Variants in PHOX2A observed in about 807,000 individuals in gnomAD.
The protein encoded by PHOX2A is paired mesoderm homeobox protein 2A.
In PHOX2A, 10 loss-of-function variants were observed where a neutral mutation model predicts 16.4. The ratio of observed to expected loss-of-function variants is 0.61; its 90% CI spans 0.38 to 1.04. The LOEUF is 1.04. Among genes scored for constraint, PHOX2A ranks in the 50% least tolerant of loss-of-function variants. The pLI is 0.01. For synonymous variants in PHOX2A, 219 were observed against 203.8 expected (o/e 1.07, Z -0.64); for missense variants, 361 against 419.4 (o/e 0.86, Z 1.22).
Position 72,241,197 on chromosome 11 carries a change from C to G in PHOX2A, c.310G>C (p.Glu104Gln). ...RTTFTSAQLKELERVFAETHY... is the reference protein window; with the variant it reads ...RTTFTSAQLKQLERVFAETHY... The stretch of plus-strand genomic sequence containing the variant: ...GTCTCAGCGAAAACGCGCTCCAGCT[C>G]CTTGAGCTGCGCGCTGGTGAACGTG... Residue 104 changes from glutamate (E) to glutamine (Q), a missense_variant, in exon 2 of 3, where the codon GAG (glutamate) becomes CAG (glutamine). Glu to Gln is a conservative substitution (Grantham distance 29). This residue lies in a region of PHOX2A where 235 missense variants were observed against 263.8 expected (regional missense o/e 0.89). Coordinates refer to ENST00000298231, the MANE Select transcript of PHOX2A (RefSeq NM_005169.4). The G allele has an allele frequency of 6.2e-7, 1 of 1,613,848 alleles. No individual in the cohort carries two copies. Among genetic ancestry groups the G allele is most frequent in the Non-Finnish European group, 8.5e-7 (1 of 1,180,012 alleles).
chr11:72,243,617 G>C (rs1390059523), intron 1 of PHOX2A, among the ~76,000 whole-genome samples, 171 bp downstream of exon 1: 2 of 152,148 alleles, frequency 1.3e-5, no homozygotes, highest in Admixed American at 1.3e-4. Context: ...GAGAGGGTGA[G>C]GCTCATTCCT....
chr11:72,240,861 C>A (rs1470534180), intron 2 of PHOX2A, among the ~76,000 whole-genome samples: 1 of 152,210 alleles, frequency 6.6e-6, no homozygotes, highest in Non-Finnish European at 1.5e-5. Context: ...TCAAGCATCA[C>A]TCGGAACTTT....
Position 72,240,093 on chromosome 11 carries a change from A to G in PHOX2A, c.511T>C (p.Ser171Pro). 2 of 1,531,160 alleles carry G rather than the reference A, an allele frequency of 1.3e-6. No individual in the cohort carries two copies. Among genetic ancestry groups the G allele is most frequent in the South Asian group, 1.2e-5 (1 of 83,686 alleles). 94.8% of individuals were successfully genotyped at this position (1,531,160 alleles called of 1,614,324 possible). A position where few individuals can be genotyped will look rare whatever the true frequency, so the allele number is the denominator to read the frequency against. ...AGAKKGEARC[S>P]SEDDDSKEST... ...TCCTTGGAATCGTCGTCCTCGGAGGAGCAGCGCGCCTCGCCCTTTTTGGCG... is the reference window on the plus strand; with the variant it reads ...TCCTTGGAATCGTCGTCCTCGGAGGGGCAGCGCGCCTCGCCCTTTTTGGCG... The change falls in exon 3 of 3, where the codon TCC becomes CCC. Residue 171 changes from serine (S) to proline (P), a missense_variant. Physicochemically the swap from Ser to Pro is moderately conservative, Grantham distance 74 (BLOSUM62 -1). Around this residue, in one of 3 missense-constraint regions of PHOX2A, gnomAD observed 235 missense variants for 263.8 expected, o/e 0.89. Coordinates refer to ENST00000298231, the MANE Select transcript of PHOX2A (RefSeq NM_005169.4).
At position 72,239,439 on chromosome 11, in the gene PHOX2A, G is replaced by T; in HGVS notation, c.*310C>A. The T allele has an allele frequency of 3.8e-6, 1 of 265,770 alleles. No individual in the cohort carries two copies. Among genetic ancestry groups the T allele is most frequent in the East Asian group, 6.5e-5 (1 of 15,498 alleles). 16.5% of individuals were successfully genotyped at this position (265,770 alleles called of 1,614,324 possible). ...GATCCTCCTTGAGGACCTTCACTTT[G>T]AGGGCACTGTTAGGGACAGGCCTCA... On this transcript the variant is annotated 3_prime_UTR_variant, in exon 3 of 3. Coordinates refer to ENST00000298231, the MANE Select transcript of PHOX2A (RefSeq NM_005169.4).
intron 1 of PHOX2A, 91 bp from the exon 2 acceptor site, chr11:72,241,380 A>G: frequency 1.3e-6 from 1 of 775,494 alleles, no homozygotes; most frequent in Non-Finnish European, 2.0e-6. Flanking sequence ...GCTCCGGGGG[A>G]ATCACACGCC....
Position 72,243,987 on chromosome 11 carries a change from G to C in PHOX2A, c.18C>G (p.Leu6=). Residue 6 remains leucine (L), a synonymous_variant, in exon 1 of 3, where the codon CTC becomes CTG. Transcript: ENST00000298231. MDYSY[L]NSYDSCVAAM... is the part of the protein sequence containing the mutation. ...CCGCCACGCACGAGTCGTACGAATT[G>C]AGGTAGGAGTAGTCCATCGGCCCGG... 1.5e-6 allele frequency: 2 copies of C among 1,306,482 alleles called. No homozygotes were observed. Among genetic ancestry groups the C allele is most frequent in the Non-Finnish European group, 2.0e-6 (2 of 1,020,384 alleles). The allele number at this position is 1,306,482 out of a possible 1,614,324, so 80.9% of individuals were successfully genotyped here. A position where few individuals can be genotyped will look rare whatever the true frequency, so the allele number is the denominator to read the frequency against.
In PHOX2A at chr11:72,243,968, C is replaced by T; in HGVS notation, c.37G>A (p.Val13Met). 2 of 1,307,306 alleles carry T rather than the reference C, an allele frequency of 1.5e-6. No individual in the cohort carries two copies. Among genetic ancestry groups the T allele is most frequent in the South Asian group, 3.0e-5 (1 of 33,032 alleles). The allele number at this position is 1,307,306 out of a possible 1,614,324, so 81.0% of individuals were successfully genotyped here. The change falls in exon 1 of 3, where the codon GTG becomes ATG. Residue 13 changes from valine (V) to methionine (M), a missense_variant. By Grantham distance (21) the Val-to-Met change is conservative. Transcript: ENST00000298231. ...TAGGCGGACGCCTCCATGGCCGCCA[C>T]GCACGAGTCGTACGAATTGAGGTAG... ...YSYLNSYDSC[V>M]AAMEASAYGD... is the part of the protein sequence containing the mutation.
In PHOX2A at chr11:72,243,773, C is replaced by G. The variant is rs759193926; in HGVS notation, c.217+15G>C. The G allele has an allele frequency of 6.8e-5, 83 of 1,216,152 alleles. No homozygotes were observed. The highest frequency in any genetic ancestry group is 6.3e-4 in the Middle Eastern group (2 of 3,170). 75.3% of individuals were successfully genotyped at this position (1,216,152 alleles called of 1,614,324 possible). On this transcript the variant is annotated intron_variant, in intron 1 of 2. Transcript: ENST00000298231. ...GCAGGAATTGGAGGGAGGGTTGGGC[C>G]GGGGCTGCGCTCACCTGCCGAGTAG... is the stretch of plus-strand genomic sequence containing the variant.
At chr11:72,242,720 A>G (rs1949131732) in intron 1 of PHOX2A, among the ~76,000 whole-genome samples, 1 of 151,904 alleles carries the variant, frequency 6.6e-6, no homozygotes, top group Non-Finnish European at 1.5e-5. Context: ...GCAATGGCAC[A>G]GTCTCAGCTC....
In PHOX2A at chr11:72,244,074, G is replaced by A. The variant is rs1949144091; in HGVS notation, c.-70C>T. ...GTCGGGGTCCGGGTGGAGGTCGGAAGGGAGGTTCGAGCGCCAGGCTCCGAG... is the reference window on the plus strand; with the variant it reads ...GTCGGGGTCCGGGTGGAGGTCGGAAAGGAGGTTCGAGCGCCAGGCTCCGAG... On this transcript the variant is annotated 5_prime_UTR_variant, in exon 1 of 3. Coordinates refer to ENST00000298231, the MANE Select transcript of PHOX2A (RefSeq NM_005169.4). 1.3e-6 allele frequency: 1 copy of A among 759,400 alleles called. No individual in the cohort carries two copies. The highest frequency in any genetic ancestry group is 1.8e-6 in the Non-Finnish European group (1 of 552,918). 47.0% of individuals were successfully genotyped at this position (759,400 alleles called of 1,614,324 possible).
chr11:72,242,439 G>A (rs1426934802), intron 1 of PHOX2A, among the ~76,000 whole-genome samples: 3 of 152,016 alleles, frequency 2.0e-5, no homozygotes, highest in African/African-American at 4.8e-5. Context: ...GATTTCCAGT[G>A]CTTCCATCTC....
In PHOX2A at chr11:72,239,833, CG is replaced by C; in HGVS notation, c.770del (p.Ala257GlyfsTer23). 7.3e-7 allele frequency: 1 copy of C among 1,366,576 alleles called. No individual in the cohort carries two copies. Among genetic ancestry groups the C allele is most frequent in the South Asian group, 1.9e-5 (1 of 53,202 alleles). 84.7% of individuals were successfully genotyped at this position (1,366,576 alleles called of 1,614,324 possible). ...AAELLKAWQP[A>X]ESGPGPFSGV... ...CGGAGAAGGGCCCGGGGCCGGACTC[CG>C]CCGGCTGCCAAGCCTTAAGTAGTTC... On this transcript the variant is annotated frameshift_variant, in exon 3 of 3. Coordinates refer to ENST00000298231, the MANE Select transcript of PHOX2A (RefSeq NM_005169.4). LOFTEE classifies it high-confidence loss of function.
At chr11:72,243,619 C>G (rs1388878503) in intron 1 of PHOX2A, among the ~76,000 whole-genome samples, 169 bp downstream of exon 1, 5 of 152,124 alleles carry the variant, frequency 3.3e-5, no homozygotes, top group African/African-American at 1.2e-4. Flanking sequence ...GAGGGTGAGG[C>G]TCATTCCTGC....
rs1377972488 is a variant in PHOX2A, at chr11:72,239,305, A to G, written c.*444T>C. The G allele has an allele frequency of 6.4e-6, 1 of 155,812 alleles. No homozygotes were observed. The highest frequency in any genetic ancestry group is 6.5e-5 in the Admixed American group (1 of 15,376). The allele number at this position is 155,812 out of a possible 1,614,324, so 9.7% of individuals were successfully genotyped here. ...GCGGTGGTCATTAATTATCCCGGCG[A>G]CCACCAGCCTCTGTACGGGTGGGCC... is the stretch of plus-strand genomic sequence containing the variant. On this transcript the variant is annotated 3_prime_UTR_variant, in exon 3 of 3. Coordinates refer to ENST00000298231, the MANE Select transcript of PHOX2A (RefSeq NM_005169.4).
In PHOX2A at chr11:72,240,987, C is replaced by T. The variant is rs1039521769; in HGVS notation, c.405+115G>A. The stretch of plus-strand genomic sequence containing the variant: ...CGTAGCTGCCCAAGCACCCTGGGAC[C>T]GCGCCCTGCCTTCGGGCTGCATCTG... On this transcript the variant is annotated intron_variant, in intron 2 of 2. Coordinates refer to ENST00000298231, the MANE Select transcript of PHOX2A (RefSeq NM_005169.4). 6 of 1,165,996 alleles carry T rather than the reference C, an allele frequency of 5.1e-6. No homozygotes were observed. The South Asian group carries it at 5.2e-5, about 10-fold the overall frequency. 72.2% of individuals were successfully genotyped at this position (1,165,996 alleles called of 1,614,324 possible).
chr11:72,243,421 G>A (rs1050188333), intron 1 of PHOX2A, among the ~76,000 whole-genome samples: 12 of 152,140 alleles, frequency 7.9e-5, no homozygotes, highest in Non-Finnish European at 1.6e-4. Context: ...GGGGTGATAA[G>A]TGGTGATAGG....
intron 1 of PHOX2A, 101 bp from the exon 2 acceptor site, chr11:72,241,390 C>T (rs1178384695): frequency 6.9e-6 from 5 of 726,300 alleles, no homozygotes; most frequent in Non-Finnish European, 9.0e-6. Context: ...AATCACACGC[C>T]TCCCCCGTCC....
chr11:72,239,741 G>A lies in PHOX2A; in HGVS notation c.*8C>T, dbSNP rs1434985140. 2 of 1,309,354 alleles carry A rather than the reference G, an allele frequency of 1.5e-6. No individual in the cohort carries two copies. The highest frequency in any genetic ancestry group is 2.0e-6 in the Non-Finnish European group (2 of 1,021,012). The allele number at this position is 1,309,354 out of a possible 1,614,324, so 81.1% of individuals were successfully genotyped here. On this transcript the variant is annotated 3_prime_UTR_variant, in exon 3 of 3. Coordinates refer to ENST00000298231, the MANE Select transcript of PHOX2A (RefSeq NM_005169.4). ...GGGGGCAGGCTCGGAGCCTCCAGAG[G>A]CCGGCAGCTAGAAGAGATTGGTCTT...
chr11:72,239,950 C>A lies in PHOX2A; in HGVS notation c.654G>T (p.Pro218=). 2 of 1,298,470 alleles carry A rather than the reference C, an allele frequency of 1.5e-6. No homozygotes were observed. Among genetic ancestry groups the A allele is most frequent in the Non-Finnish European group, 2.0e-6 (2 of 1,023,176 alleles). 80.4% of individuals were successfully genotyped at this position (1,298,470 alleles called of 1,614,324 possible). The part of the protein sequence containing the change: ...SPLPVALGSG[P]GPGPGPQPLK... Reference sequence around the variant, plus strand: ...GCGGCTGTGGCCCCGGCCCAGGTCCCGGCCCGGAGCCCAGTGCGACGGGCA... The same window carrying A: ...GCGGCTGTGGCCCCGGCCCAGGTCCAGGCCCGGAGCCCAGTGCGACGGGCA... The change falls in exon 3 of 3, where the codon CCG becomes CCT. Residue 218 remains proline (P), a synonymous_variant. Transcript: ENST00000298231.
Sources: gnomAD v4.1 joint callset for allele counts (sites outside exome capture counted in the v4.1 genomes callset) on GRCh38, gnomAD v4.1.1 for gene constraint, gnomAD v4.1.1 regional missense constraint, MANE v1.5 for transcripts, NCBI Gene and HGNC (gene_info 2026-07-23, HGNC 2026-07-21) for gene names.